ECE2: variants seen among roughly 807,000 people sequenced by gnomAD.
The protein encoded by ECE2 is endothelin-converting enzyme 2.
Under a neutral mutation model 100.6 loss-of-function variants are expected in ECE2, and 81 were observed. The ratio of observed to expected loss-of-function variants is 0.81; its 90% CI spans 0.67 to 0.97. The LOEUF is 0.97. ECE2 is among the 50% of genes least tolerant of loss of function. The pLI, the probability that ECE2 is intolerant of heterozygous loss-of-function variation, is 0.00. For synonymous variants in ECE2, 391 were observed against 391.5 expected (o/e 1.00, Z 0.02); for missense variants, 911 against 988.1 (o/e 0.92, Z 1.05).
At position 184,278,213 on chromosome 3, in the gene ECE2, T is replaced by G; in HGVS notation, c.650T>G (p.Met217Arg). The part of the protein sequence containing the change: ...ITGPWDQDNF[M>R]EVLKAVAGTY... ...GGGCCCTGGGACCAGGACAACTTTATGGAGGTGTTGAAGGCAGTAGCAGGG... is the reference window on the plus strand; with the variant it reads ...GGGCCCTGGGACCAGGACAACTTTAGGGAGGTGTTGAAGGCAGTAGCAGGG... Residue 217 changes from methionine (M) to arginine (R), a missense_variant, in exon 6 of 19, where the codon ATG becomes AGG. Coordinates refer to ENST00000404464, the MANE Select transcript of ECE2 (RefSeq NM_001100121.2). 6.2e-7 allele frequency: 1 copy of G among 1,614,156 alleles called. No individual in the cohort carries two copies. The highest frequency in any genetic ancestry group is 8.5e-7 in the Non-Finnish European group (1 of 1,180,018).
At position 184,278,232 on chromosome 3, in the gene ECE2, AG is replaced by A; in HGVS notation, c.670del (p.Ala224GlnfsTer42). The A allele has an allele frequency of 6.2e-7, 1 of 1,614,210 alleles. No homozygotes were observed. Among genetic ancestry groups the A allele is most frequent in the Non-Finnish European group, 8.5e-7 (1 of 1,180,038 alleles). On this transcript the variant is annotated frameshift_variant, in exon 6 of 19. Transcript: ENST00000404464. LOFTEE classifies it high-confidence loss of function. ...DNFMEVLKAV[A>X]GTYRATPFFT... The stretch of plus-strand genomic sequence containing the variant: ...ACTTTATGGAGGTGTTGAAGGCAGT[AG>A]CAGGGACCTACAGGGCCACCCCATT...
In ECE2 at chr3:184,291,244, C is replaced by T. The variant is rs767276439; in HGVS notation, c.2025+14C>T. 1.2e-6 allele frequency: 2 copies of T among 1,606,106 alleles called. No individual in the cohort carries two copies. Among genetic ancestry groups the T allele is most frequent in the Admixed American group, 1.7e-5 (1 of 59,266 alleles). On this transcript the variant is annotated intron_variant, in intron 17 of 18. Coordinates refer to ENST00000404464, the MANE Select transcript of ECE2 (RefSeq NM_001100121.2). The surrounding 1 kb of genome is among the most constrained non-coding windows in gnomAD (Gnocchi z 4.1). ...GCTGCCTACAATGTGAGTGGCCTGACCAGCCCTCCAGCGGCTGAGGCCTGC... is the reference window on the plus strand; with the variant it reads ...GCTGCCTACAATGTGAGTGGCCTGATCAGCCCTCCAGCGGCTGAGGCCTGC...
intron 4 of ECE2, 143 bp from the exon 5 acceptor site, chr3:184,277,782 C>A: frequency 7.5e-7 from 1 of 1,335,526 alleles, no homozygotes; most frequent in Non-Finnish European, 1.0e-6. Context: ...GAAGCCACGG[C>A]TTGCTGTTTC....
chr3:184,286,981 A>G (rs1279245937), intron 10 of ECE2, among the ~76,000 whole-genome samples: 1 of 151,744 alleles, frequency 6.6e-6, no homozygotes, highest in Non-Finnish European at 1.5e-5. Flanking sequence ...GATGATTAAG[A>G]AATCAAAGCA....
intron 10 of ECE2, among the ~76,000 whole-genome samples, 181 bp from the exon 11 acceptor site, chr3:184,287,656 C>T (rs1406958886): frequency 6.6e-6 from 1 of 152,128 alleles, no homozygotes; most frequent in Non-Finnish European, 1.5e-5. Context: ...GATTGCACCA[C>T]TATACTCCAG....
chr3:184,278,654 T>G, intron 7 of ECE2, 97 bp downstream of exon 7: 1 of 1,343,112 alleles, frequency 7.4e-7, no homozygotes, highest in South Asian at 1.2e-5. Context: ...GCAGGGAAGG[T>G]GAGCCTATCC....
chr3:184,292,002 A>T, intron 18 of ECE2, 60 bp from the exon 19 acceptor site: 1 of 1,541,598 alleles, frequency 6.5e-7, no homozygotes, highest in Non-Finnish European at 8.8e-7. Flanking sequence ...GCTGTAGCTG[A>T]CTCTAAGGCC....
chr3:184,289,080 G>C lies in ECE2; in HGVS notation c.1375-357G>C, dbSNP rs1211632117. Among the ~76,000 whole-genome samples, 2 of 151,678 alleles carry C rather than the reference G, an allele frequency of 1.3e-5. No individual in the cohort carries two copies. On this transcript the variant is annotated intron_variant, in intron 11 of 18. Coordinates refer to ENST00000404464, the MANE Select transcript of ECE2 (RefSeq NM_001100121.2). This position sits in a 1 kb window ranked among gnomAD's most constrained non-coding sequence, Gnocchi z 4.1. Reference sequence around the variant, plus strand: ...TGAGGCAGGAGAATCGCTTGAACTCGGGAGGCGGAGGTTGCAGTGAGCCGA... The same window carrying C: ...TGAGGCAGGAGAATCGCTTGAACTCCGGAGGCGGAGGTTGCAGTGAGCCGA...
Position 184,276,933 on chromosome 3 carries a change from C to G in ECE2, c.168C>G (p.Arg56=). 1 of 1,614,208 alleles carries G rather than the reference C, an allele frequency of 6.2e-7. No individual in the cohort carries two copies. The highest frequency in any genetic ancestry group is 8.5e-7 in the Non-Finnish European group (1 of 1,180,032). The part of the protein sequence containing the change: ...QKGTRQLLGS[R]TQLELVLAGA... ...GGACAAGACAGCTGTTAGGCTCACGCACGCAGCTGGAGCTGGTCTTAGCAG... is the reference window on the plus strand; with the variant it reads ...GGACAAGACAGCTGTTAGGCTCACGGACGCAGCTGGAGCTGGTCTTAGCAG... The change falls in exon 3 of 19, where the codon CGC becomes CGG. Residue 56 remains arginine, a synonymous_variant. Transcript: ENST00000404464.
In ECE2 at chr3:184,290,311, T is replaced by C. The variant is rs1322144887; in HGVS notation, c.1608T>C (p.Ser536=). ...FQNMLNLYNF[S]AKVMADQLRK... ...ACATGTTGAATTTGTACAACTTCTC[T>C]GCCAAGGTTATGGCTGACCAGCTCC... Residue 536 remains serine (S), a synonymous_variant, in exon 14 of 19, where the codon TCT becomes TCC. Coordinates refer to ENST00000404464, the MANE Select transcript of ECE2 (RefSeq NM_001100121.2). 6.2e-7 allele frequency: 1 copy of C among 1,614,146 alleles called. No individual in the cohort carries two copies. The highest frequency in any genetic ancestry group is 1.7e-5 in the Admixed American group (1 of 60,026).
At chr3:184,288,531 G>A (rs565243044) in intron 11 of ECE2, among the ~76,000 whole-genome samples, 7 of 152,110 alleles carry the variant, frequency 4.6e-5, no homozygotes, top group Admixed American at 3.3e-4. Context: ...TGGTTTTTAT[G>A]GCAATGTTGT....
Position 184,276,118 on chromosome 3 carries a change from C to T in ECE2, c.-36C>T. 2 of 1,310,154 alleles carry T rather than the reference C, an allele frequency of 1.5e-6. No individual in the cohort carries two copies. Among genetic ancestry groups the T allele is most frequent in the Non-Finnish European group, 9.7e-7 (1 of 1,032,878 alleles). The allele number at this position is 1,310,154 out of a possible 1,614,324, so 81.2% of individuals were successfully genotyped here. On this transcript the variant is annotated 5_prime_UTR_variant, in exon 1 of 19. Transcript: ENST00000404464. ...CGCGGCCCGGGAGCGGGCCAGCTGC[C>T]GGGAGCCCTGAATCACCGCCTGGCC...
rs753614439 is a variant in ECE2 at position 184,290,295 on chromosome 3, A to C, written c.1592A>C (p.Asn531Thr). ...SEDSFFQNML[N>T]LYNFSAKVMA... ...GATTCTTTCTTCCAAAACATGTTGA[A>C]TTTGTACAACTTCTCTGCCAAGGTT... The change falls in exon 14 of 19, where the codon AAT becomes ACT. Residue 531 changes from asparagine to threonine, a missense_variant. Physicochemically the swap from Asn to Thr is moderately conservative, Grantham distance 65. Transcript: ENST00000404464. 3.7e-6 allele frequency: 6 copies of C among 1,614,068 alleles called. No individual in the cohort carries two copies. The highest frequency in any genetic ancestry group is 4.2e-6 in the Non-Finnish European group (5 of 1,180,002).
At chr3:184,288,174 G>C (rs769335550) in intron 11 of ECE2, among the ~76,000 whole-genome samples, 5 of 151,918 alleles carry the variant, frequency 3.3e-5, no homozygotes, top group Non-Finnish European at 7.4e-5. Flanking sequence ...GCCGGGCGTG[G>C]TGGCGGGTGT....
Position 184,285,097 on chromosome 3 carries a change from G to A in ECE2, c.1140G>A (p.Thr380=), listed in dbSNP as rs573178718. ...LQQVSELINR[T]EPSILNNYLI... Reference sequence around the variant, plus strand: ...AGGTGTCAGAGCTCATCAACCGCACGGAACCAAGGTGTGGGGGTAGCCCAG... The same window carrying A: ...AGGTGTCAGAGCTCATCAACCGCACAGAACCAAGGTGTGGGGGTAGCCCAG... Residue 380 remains threonine, a synonymous_variant, in exon 9 of 19, where the codon ACG becomes ACA. Transcript: ENST00000404464. The A allele has an allele frequency of 1.7e-5, 28 of 1,613,580 alleles. No homozygotes were observed. The highest frequency in any genetic ancestry group is 2.2e-5 in the East Asian group (1 of 44,888).
intron 10 of ECE2, among the ~76,000 whole-genome samples, chr3:184,286,065 A>G (rs1241070529): frequency 6.6e-6 from 1 of 152,156 alleles, no homozygotes; most frequent in Non-Finnish European, 1.5e-5. Context: ...CTGCTATAGG[A>G]CAGAGGTGGG....
In ECE2 at chr3:184,289,686, G is replaced by T. The variant is rs1418673641; in HGVS notation, c.1519G>T (p.Glu507Ter). The T allele has an allele frequency of 6.2e-7, 1 of 1,613,530 alleles. No homozygotes were observed. Among genetic ancestry groups the T allele is most frequent in the South Asian group, 1.1e-5 (1 of 90,972 alleles). Residue 507 changes from glutamate to a stop codon, truncating the protein, a stop_gained, in exon 13 of 19, where the codon GAG (glutamate) becomes TAG (stop). Transcript: ENST00000404464. LOFTEE classifies it high-confidence loss of function. This position sits in a 1 kb window ranked among gnomAD's most constrained non-coding sequence, Gnocchi z 4.1. ...GATTGGTTTCCCAGACTTTATCCTG[G>T]AGCCCAAAGAGCTGGATGATGTTTA... is the stretch of plus-strand genomic sequence containing the variant. ...DMIGFPDFILEPKELDDVYDG... is the reference protein window; with the variant it reads ...DMIGFPDFIL
intron 7 of ECE2, among the ~76,000 whole-genome samples, chr3:184,282,174 T>G (rs1298248833): frequency 6.6e-6 from 1 of 151,648 alleles, no homozygotes; most frequent in Non-Finnish European, 1.5e-5. Context: ...AAGCTGAAGG[T>G]GAGGAGGTAG....
Position 184,287,929 on chromosome 3 carries a change from C to T in ECE2, c.1356C>T (p.Asp452=), listed in dbSNP as rs751772826. 17 of 1,614,062 alleles carry T rather than the reference C, an allele frequency of 1.1e-5. No homozygotes were observed. The highest frequency in any genetic ancestry group is 1.4e-5 in the Non-Finnish European group (16 of 1,179,960). ...CCCTCTTCGTGAAGGCCACGTTTGA[C>T]CGGCAAAGCAAAGAAATTGTGAGTC... ...LGSLFVKATF[D]RQSKEIAEGM... Residue 452 remains aspartate, a synonymous_variant, in exon 11 of 19, where the codon GAC becomes GAT. Coordinates refer to ENST00000404464, the MANE Select transcript of ECE2 (RefSeq NM_001100121.2).
Sources: allele counts gnomAD v4.1 joint callset (sites outside exome capture counted in the v4.1 genomes callset), GRCh38; gene constraint gnomAD v4.1.1; non-coding constraint Gnocchi (gnomAD v3.1); transcripts MANE v1.5; gene names NCBI Gene and HGNC (gene_info 2026-07-23, HGNC 2026-07-21).